The following ZSWIM3 variants were observed in gnomAD, a reference collection of about 807,000 sequenced individuals.
The protein encoded by ZSWIM3 is zinc finger SWIM-type containing 3.
A neutral mutation model predicts 47.5 loss-of-function variants in ZSWIM3; 27 were observed. The observed-to-expected ratio is 0.57, with a 90% confidence interval of 0.42 to 0.78. The LOEUF (loss-of-function observed/expected upper bound fraction) is 0.78. ZSWIM3 is among the 30% of genes least tolerant of loss of function. The probability of loss-of-function intolerance (pLI) is 0.00; values close to 1 mark genes in which losing one functional copy is unlikely to be tolerated. For missense variants in ZSWIM3, 689 were observed against 861.3 expected, an observed-to-expected ratio of 0.80 and a Z score of 2.50; for synonymous variants, 333 against 333.9, an observed-to-expected ratio of 1.00 and a Z score of 0.03.
intron 1 of ZSWIM3, among the ~76,000 whole-genome samples, chr20:45,862,006 G>T (rs559014411): frequency 2.2e-3 from 329 of 152,070 alleles, no homozygotes; most frequent in African/African-American, 7.7e-3. Flanking sequence ...TCCAGCCTGG[G>T]CGACACAGCG....
chr20:45,857,667 C>T lies in ZSWIM3; in HGVS notation c.-159C>T. On this transcript the variant is annotated 5_prime_UTR_variant, in exon 1 of 2. Transcript: ENST00000255152. ...TTGTAACCCGGTCAGGCCTAGGGTT[C>T]CTCCCTGAGTTCCAGAATAGGCCAC... The T allele has an allele frequency of 1.2e-6, 1 of 859,326 alleles. No homozygotes were observed. Among genetic ancestry groups the T allele is most frequent in the Non-Finnish European group, 1.8e-6 (1 of 544,232 alleles). The allele number at this position is 859,326 out of a possible 1,614,324, so 53.2% of individuals were successfully genotyped here.
chr20:45,877,950 T>C lies in ZSWIM3; in HGVS notation c.1392T>C (p.Leu464=). 6.2e-7 allele frequency: 1 copy of C among 1,614,118 alleles called. No individual in the cohort carries two copies. Among genetic ancestry groups the C allele is most frequent in the Non-Finnish European group, 8.5e-7 (1 of 1,180,022 alleles). The change falls in exon 2 of 2, where the codon CTT becomes CTC. Residue 464 remains leucine, a synonymous_variant. Coordinates refer to ENST00000255152, the MANE Select transcript of ZSWIM3 (RefSeq NM_080752.4). ...KKAFGICGES[L]TSLPAEETKP... is the part of the protein sequence containing the mutation. ...CTTTTGGAATCTGTGGAGAGAGCCT[T>C]ACCAGCCTCCCTGCAGAAGAGACCA... is the stretch of plus-strand genomic sequence containing the variant.
intron 1 of ZSWIM3, among the ~76,000 whole-genome samples, chr20:45,860,076 C>G (rs1438575206): frequency 6.6e-6 from 1 of 152,140 alleles, no homozygotes; most frequent in Non-Finnish European, 1.5e-5. Context: ...GTTTGCCACT[C>G]TAGTGAATTA....
rs1399932334 is a variant in ZSWIM3, at chr20:45,864,371, G to A, written c.155+6391G>A. Reference sequence around the variant, plus strand: ...CTCTGTGCAGAGCTCACTGTCTTGGGCTTTTTGAGTGATACGTGGGTGTCT... The same window carrying A: ...CTCTGTGCAGAGCTCACTGTCTTGGACTTTTTGAGTGATACGTGGGTGTCT... On this transcript the variant is annotated intron_variant, in intron 1 of 1. Transcript: ENST00000255152. Among the ~76,000 whole-genome samples, 5 of 152,154 alleles carry A rather than the reference G, an allele frequency of 3.3e-5. No individual in the cohort carries two copies. In the East Asian group the frequency reaches 9.6e-4, roughly 29 times the overall value.
At chr20:45,858,488 C>T (rs1036848863) in intron 1 of ZSWIM3, among the ~76,000 whole-genome samples, 1 of 152,172 alleles carries the variant, frequency 6.6e-6, no homozygotes, top group Non-Finnish European at 1.5e-5. Context: ...CTCAAGCGAT[C>T]CTCCCACCTC....
In ZSWIM3 at chr20:45,877,257, C is replaced by A; in HGVS notation, c.699C>A (p.Ile233=). The stretch of plus-strand genomic sequence containing the variant: ...GGGTGGAGAACACCCAGGGCCACAT[C>A]CTCTATGCTTTCTTGGTGGAGAACA... ...LHRVENTQGH[I]LYAFLVENKE... Residue 233 remains isoleucine, a synonymous_variant, in exon 2 of 2, where the codon ATC becomes ATA. Coordinates refer to ENST00000255152, the MANE Select transcript of ZSWIM3 (RefSeq NM_080752.4). 6.2e-7 allele frequency: 1 copy of A among 1,614,122 alleles called. No homozygotes were observed. The highest frequency in any genetic ancestry group is 8.5e-7 in the Non-Finnish European group (1 of 1,180,024).
intron 1 of ZSWIM3, among the ~76,000 whole-genome samples, chr20:45,860,764 A>G (rs1191935203): frequency 6.6e-6 from 1 of 152,126 alleles, no homozygotes; most frequent in East Asian, 1.9e-4. Context: ...TAATTTCCCT[A>G]TTTTGAAGTC....
At chr20:45,875,580 C>A (rs1406775829) in intron 1 of ZSWIM3, among the ~76,000 whole-genome samples, 14 of 152,036 alleles carry the variant, frequency 9.2e-5, no homozygotes, top group Admixed American at 9.2e-4. Flanking sequence ...CGGCTCCCTG[C>A]AACCTCTGCC....
rs538000584 is a variant in ZSWIM3 at position 45,865,094 on chromosome 20, G to A, written c.155+7114G>A. 6.9e-4 allele frequency among the ~76,000 whole-genome samples: 105 copies of A among 151,972 alleles called. No homozygotes were observed. The South Asian group carries it at 7.7e-3, about 11-fold the overall frequency. ...AGCAATTTGGGAGGCCGAGGCGGGC[G>A]GATCACTTGAGGTCAGGAGTTCAAG... On this transcript the variant is annotated intron_variant, in intron 1 of 1. Transcript: ENST00000255152.
At position 45,857,620 on chromosome 20, in the gene ZSWIM3, T is replaced by G. The variant is rs1985556163; in HGVS notation, c.-206T>G. On this transcript the variant is annotated 5_prime_UTR_variant, in exon 1 of 2. Transcript: ENST00000255152. ...ACTGAGTGTCATTTCCCCTGTCAGA[T>G]AGCAAATACACCCCCTTCCTCTTGT... is the stretch of plus-strand genomic sequence containing the variant. 2.9e-6 allele frequency: 2 copies of G among 681,178 alleles called. No individual in the cohort carries two copies. Among genetic ancestry groups the G allele is most frequent in the African/African-American group, 1.8e-5 (1 of 55,922 alleles). 42.2% of individuals were successfully genotyped at this position (681,178 alleles called of 1,614,324 possible).
chr20:45,857,769 G>C lies in ZSWIM3; in HGVS notation c.-57G>C. On this transcript the variant is annotated 5_prime_UTR_variant, in exon 1 of 2. Transcript: ENST00000255152. The stretch of plus-strand genomic sequence containing the variant: ...CCTCATAGTGTGACCTTTGACCCCT[G>C]GTGTGATCTTGGGCCCGGGCTGGGA... 1 of 1,593,300 alleles carries C rather than the reference G, an allele frequency of 6.3e-7. No homozygotes were observed. Among genetic ancestry groups the C allele is most frequent in the Non-Finnish European group, 8.6e-7 (1 of 1,167,694 alleles).
intron 1 of ZSWIM3, among the ~76,000 whole-genome samples, chr20:45,871,887 A>G (rs1193253143): frequency 6.6e-6 from 1 of 151,826 alleles, no homozygotes; most frequent in Admixed American, 6.6e-5. Flanking sequence ...AGAAAAAAAA[A>G]GTATGTTTAG....
At chr20:45,858,075 T>C in intron 1 of ZSWIM3, 95 bp downstream of exon 1, 3 of 1,339,094 alleles carry the variant, frequency 2.2e-6, no homozygotes, top group Non-Finnish European at 3.1e-6. Flanking sequence ...TAGGCACGCA[T>C]TGGGCTGCGT....
At chr20:45,870,431 C>A (rs909560880) in intron 1 of ZSWIM3, among the ~76,000 whole-genome samples, 2 of 152,000 alleles carry the variant, frequency 1.3e-5, no homozygotes, top group Admixed American at 6.6e-5. Flanking sequence ...ATTCCTAATA[C>A]AATTACCTTA....
At chr20:45,870,246 A>T (rs1568747370) in intron 1 of ZSWIM3, among the ~76,000 whole-genome samples, 1 of 151,900 alleles carries the variant, frequency 6.6e-6, no homozygotes, top group Non-Finnish European at 1.5e-5. Flanking sequence ...AGGCTGAGGC[A>T]GGAGAATCGC....
chr20:45,859,762 G>C (rs867439794), intron 1 of ZSWIM3, among the ~76,000 whole-genome samples: 1 of 135,428 alleles, frequency 7.4e-6, no homozygotes, highest in Non-Finnish European at 1.5e-5. Flanking sequence ...TCCTTTATGG[G>C]TAGGACCTTG....
At chr20:45,863,979 C>T (rs189289654) in intron 1 of ZSWIM3, among the ~76,000 whole-genome samples, 116 of 152,326 alleles carry the variant, frequency 7.6e-4, no homozygotes, top group African/African-American at 2.6e-3. Flanking sequence ...GCCTGAGCAG[C>T]AGAGCGAGAC....
intron 1 of ZSWIM3, among the ~76,000 whole-genome samples, chr20:45,864,172 T>C (rs560275123): frequency 6.6e-6 from 1 of 152,176 alleles, no homozygotes; most frequent in Non-Finnish European, 1.5e-5. Flanking sequence ...AGTACAAAGA[T>C]GAGCTGGAGT....
rs1031677383 is a variant in ZSWIM3 at position 45,876,614 on chromosome 20, T to C, written c.156-100T>C. The C allele has an allele frequency of 4.9e-6, 7 of 1,431,562 alleles. No individual in the cohort carries two copies. In the South Asian group the frequency reaches 5.6e-5, roughly 11 times the overall value. The allele number at this position is 1,431,562 out of a possible 1,614,324, so 88.7% of individuals were successfully genotyped here. A position where few individuals can be genotyped will look rare whatever the true frequency, so the allele number is the denominator to read the frequency against. ...TCAGCCTCCCAAAGTGCTGGGGTTATAGGCATGAGCCACTGTACCCAGCCC... is the reference window on the plus strand; with the variant it reads ...TCAGCCTCCCAAAGTGCTGGGGTTACAGGCATGAGCCACTGTACCCAGCCC... On this transcript the variant is annotated intron_variant, in intron 1 of 1. Transcript: ENST00000255152.
Sources: gnomAD v4.1 joint callset for allele counts (sites outside exome capture counted in the v4.1 genomes callset) on GRCh38, gnomAD v4.1.1 for gene constraint, MANE v1.5 for transcripts, NCBI Gene and HGNC (gene_info 2026-07-23, HGNC 2026-07-21) for gene names.